Variants in TIAM1 observed in about 807,000 individuals in gnomAD.
TIAM1 encodes TIAM Rac1 associated GEF 1.
Under a neutral mutation model 163.5 loss-of-function variants are expected in TIAM1, and 65 were observed. The observed-to-expected ratio is 0.40, with a 90% CI of 0.33 to 0.49. The LOEUF (loss-of-function observed/expected upper bound fraction) is 0.49. Ranked by LOEUF, TIAM1 falls within the 20% of genes least tolerant of loss-of-function variation. The pLI, the probability that TIAM1 is intolerant of heterozygous loss-of-function variation, is 0.77. For missense variants in TIAM1, 1,789 were observed against 2,044.7 expected (o/e 0.87, Z 2.41); for synonymous variants, 833 against 810.1 (o/e 1.03, Z -0.48).
rs761004142 is a variant in TIAM1, at chr21:31,210,071, G to A, written c.2362C>T (p.Arg788Trp). 38 of 1,613,924 alleles carry A rather than the reference G, an allele frequency of 2.4e-5. No homozygotes were observed. The highest frequency in any genetic ancestry group is 3.0e-5 in the Non-Finnish European group (35 of 1,180,002). ...LTVVRPGDTARDTLELICKTH... is the reference protein window; with the variant it reads ...LTVVRPGDTAWDTLELICKTH... Reference sequence around the variant, plus strand: ...TTGCAAATCAGCTCCAGGGTGTCCCGTGCAGTGTCGCCTGGCCGGACGACC... The same window carrying A: ...TTGCAAATCAGCTCCAGGGTGTCCCATGCAGTGTCGCCTGGCCGGACGACC... Residue 788 changes from arginine (R) to tryptophan (W), a missense_variant, in exon 11 of 28, where the codon CGG (arginine) becomes TGG (tryptophan). Arg to Trp is a moderately radical substitution (Grantham distance 101, BLOSUM62 -3). Transcript: ENST00000541036.
chr21:31,315,471 C>T (rs555180959), intron 2 of TIAM1, among the ~76,000 whole-genome samples: 10 of 151,230 alleles, frequency 6.6e-5, no homozygotes, highest in East Asian at 2.0e-4. Context: ...GCCAAGATCA[C>T]GCCACCGCAC....
At chr21:31,452,787 A>G (rs500511) in intron 2 of TIAM1, 275,443 of 526,684 alleles carry the variant, frequency 0.52, 74,256 homozygotes, top group Non-Finnish European at 0.58. Flanking sequence ...GGAAGACAGC[A>G]ATCATGATGA....
chr21:31,323,213 G>A (rs548136247), intron 2 of TIAM1, among the ~76,000 whole-genome samples: 5 of 151,796 alleles, frequency 3.3e-5, no homozygotes, highest in South Asian at 2.1e-4. Flanking sequence ...GCTTGAACCC[G>A]GGAGGCGGAG....
intron 2 of TIAM1, among the ~76,000 whole-genome samples, chr21:31,380,404 G>A (rs556732061): frequency 6.2e-4 from 94 of 152,280 alleles, no homozygotes; most frequent in Non-Finnish European, 9.1e-4. Flanking sequence ...TTAGCTGGGT[G>A]TGGTGGCACA....
chr21:31,297,635 T>C (rs845934), intron 2 of TIAM1, among the ~76,000 whole-genome samples: 27,667 of 152,116 alleles, frequency 0.18, 2,891 homozygotes, highest in East Asian at 0.48. Context: ...CCACCCGCCT[T>C]GGCCTCCCAA....
chr21:31,284,912 ACCGCAAGGGACTCTCAGACT>A (rs2073734492), intron 2 of TIAM1, among the ~76,000 whole-genome samples: 1 of 152,052 alleles, frequency 6.6e-6, no homozygotes, highest in African/African-American at 2.4e-5. Flanking sequence ...GGAAAAAGGC[ACCGCAAGGGACTCTCAGACT>A]CAGCAGCTTC....
chr21:31,195,707 G>C (rs181075771), intron 12 of TIAM1, among the ~76,000 whole-genome samples: 4 of 152,292 alleles, frequency 2.6e-5, no homozygotes, highest in African/African-American at 9.6e-5. Flanking sequence ...CATTCAAAAA[G>C]TTCATCATAG....
chr21:31,152,971 T>C, intron 18 of TIAM1, 95 bp downstream of exon 18: 1 of 1,339,818 alleles, frequency 7.5e-7, no homozygotes, highest in Non-Finnish European at 1.0e-6. Context: ...AAATTTAAAA[T>C]GTTTTCAGTG....
chr21:31,145,128 T>C (rs939592985), intron 20 of TIAM1, among the ~76,000 whole-genome samples: 1 of 152,182 alleles, frequency 6.6e-6, no homozygotes, highest in African/African-American at 2.4e-5. Context: ...CAGAGCCATA[T>C]GCCCAACACA....
intron 1 of TIAM1, among the ~76,000 whole-genome samples, chr21:31,527,607 T>C (rs929862709): frequency 1.6e-4 from 25 of 152,042 alleles, no homozygotes; most frequent in South Asian, 2.1e-4. Flanking sequence ...GTTTTAACCA[T>C]TTTCTTCTGA....
intron 2 of TIAM1, among the ~76,000 whole-genome samples, chr21:31,324,632 T>C (rs956067044): frequency 2.6e-5 from 4 of 152,190 alleles, no homozygotes; most frequent in African/African-American, 7.2e-5. Flanking sequence ...CTCTCAGCCA[T>C]CTTTTCTGCC....
chr21:31,240,786 G>A (rs2071129539), intron 6 of TIAM1, among the ~76,000 whole-genome samples: 1 of 152,194 alleles, frequency 6.6e-6, no homozygotes, highest in Non-Finnish European at 1.5e-5. Context: ...GAAACTTGAG[G>A]AAAAGTTGGG....
intron 1 of TIAM1, among the ~76,000 whole-genome samples, chr21:31,550,908 T>C (rs1038970670): frequency 6.6e-6 from 1 of 152,152 alleles, no homozygotes; most frequent in Admixed American, 6.6e-5. Context: ...GACTGAAGAA[T>C]AATCAATTCA....
At chr21:31,496,102 C>T (rs1032706457) in intron 1 of TIAM1, among the ~76,000 whole-genome samples, 2 of 151,998 alleles carry the variant, frequency 1.3e-5, no homozygotes, top group East Asian at 1.9e-4. Context: ...TGAGTATGTC[C>T]GTATCTTGGT....
At chr21:31,135,274 TTC>T (rs1311494160) in intron 23 of TIAM1, among the ~76,000 whole-genome samples, 2 of 152,206 alleles carry the variant, frequency 1.3e-5, no homozygotes, top group Non-Finnish European at 2.9e-5. Flanking sequence ...CCCATGTTTT[TTC>T]TCTCTCTCAA....
chr21:31,510,789 G>A (rs888897355), intron 1 of TIAM1, among the ~76,000 whole-genome samples: 1 of 150,788 alleles, frequency 6.6e-6, no homozygotes, highest in South Asian at 2.1e-4. Context: ...ACTCCAGCCT[G>A]GGCTACAAGA....
At chr21:31,505,137 A>C (rs781666482) in intron 1 of TIAM1, among the ~76,000 whole-genome samples, 26 of 152,280 alleles carry the variant, frequency 1.7e-4, no homozygotes, top group Admixed American at 7.2e-4. Flanking sequence ...AACCAGATTC[A>C]ATCACAACTC....
At chr21:31,238,566 C>G (rs1429046280) in intron 6 of TIAM1, among the ~76,000 whole-genome samples, 2 of 152,204 alleles carry the variant, frequency 1.3e-5, no homozygotes, top group African/African-American at 4.8e-5. Context: ...AGAAAACCTT[C>G]TGATTCCACT....
intron 6 of TIAM1, among the ~76,000 whole-genome samples, chr21:31,238,298 G>A (rs1038553597): frequency 6.6e-6 from 1 of 152,196 alleles, no homozygotes; most frequent in Non-Finnish European, 1.5e-5. Flanking sequence ...ATAAGCAGAA[G>A]GCAGAGAATG....
Sources: gnomAD v4.1 joint callset for allele counts (sites outside exome capture counted in the v4.1 genomes callset) on GRCh38, gnomAD v4.1.1 for gene constraint, MANE v1.5 for transcripts, NCBI Gene and HGNC (gene_info 2026-07-23, HGNC 2026-07-21) for gene names.